The following WNT3 variants were observed in gnomAD, a reference collection of about 807,000 sequenced individuals.
WNT3 encodes Wnt family member 3.
A neutral mutation model predicts 34.2 loss-of-function variants in WNT3; 7 were observed. The observed-to-expected ratio is 0.20, with a 90% CI of 0.12 to 0.38. The LOEUF (loss-of-function observed/expected upper bound fraction) is 0.38, where lower values mean the gene tolerates loss of function less well. Ranked by LOEUF, WNT3 falls within the 10% of genes least tolerant of loss-of-function variation. WNT3 has a pLI of 1.00. For missense variants in WNT3, 267 were observed against 499.8 expected (o/e 0.53, Z 4.44); for synonymous variants, 212 against 211.5 (o/e 1.00, Z -0.02).
chr17:46,784,996 C>T (rs1425687630), intron 1 of WNT3, among the ~76,000 whole-genome samples: 1 of 152,136 alleles, frequency 6.6e-6, no homozygotes, highest in Non-Finnish European at 1.5e-5. Context: ...CCAGGATGGT[C>T]TCGATCTCCT....
chr17:46,816,178 A>AAC (rs1213638351), intron 1 of WNT3, among the ~76,000 whole-genome samples: 1 of 125,588 alleles, frequency 8.0e-6, no homozygotes, highest in East Asian at 2.9e-4. Context: ...CCCAGTCATG[A>AAC]ACACAGTCAA....
At chr17:46,815,770 T>C (rs1306141864) in intron 1 of WNT3, among the ~76,000 whole-genome samples, 1 of 152,174 alleles carries the variant, frequency 6.6e-6, no homozygotes, top group African/African-American at 2.4e-5. Flanking sequence ...TAGCTTGCCA[T>C]CCCTGGCCAG....
At chr17:46,775,675 G>C (rs1199740183) in intron 1 of WNT3, among the ~76,000 whole-genome samples, 1 of 146,314 alleles carries the variant, frequency 6.8e-6, no homozygotes, top group African/African-American at 2.6e-5. Flanking sequence ...ATGCAGTGAC[G>C]TGATCTCGGC....
chr17:46,791,775 C>T (rs1309070665), intron 1 of WNT3, among the ~76,000 whole-genome samples: 1 of 152,188 alleles, frequency 6.6e-6, no homozygotes, highest in Non-Finnish European at 1.5e-5. Flanking sequence ...CATGGTGGCG[C>T]ATGCCTATAA....
intron 1 of WNT3, among the ~76,000 whole-genome samples, chr17:46,774,351 C>T (rs117708148): frequency 2.2e-4 from 34 of 151,570 alleles, no homozygotes; most frequent in Admixed American, 4.6e-4. Flanking sequence ...TCATGGGACA[C>T]GCGCGCGCGC....
chr17:46,787,693 C>T (rs766289872), intron 1 of WNT3, among the ~76,000 whole-genome samples: 2 of 152,220 alleles, frequency 1.3e-5, no homozygotes, highest in Admixed American at 6.5e-5. Flanking sequence ...GTGGCTCACG[C>T]CTGTATTCCC....
intron 1 of WNT3, among the ~76,000 whole-genome samples, chr17:46,776,436 C>T (rs922112366): frequency 4.6e-5 from 7 of 152,216 alleles, no homozygotes; most frequent in Non-Finnish European, 1.0e-4. Context: ...TGTCTGTTAC[C>T]TTATGTAATC....
chr17:46,770,199 A>G (rs2059351265), intron 2 of WNT3, 151 bp from the exon 3 acceptor site: 1 of 1,112,128 alleles, frequency 9.0e-7, no homozygotes, highest in African/African-American at 1.6e-5. Flanking sequence ...CAGCTTCCCC[A>G]CCCTCTTTGG....
chr17:46,779,986 T>C (rs199512), intron 1 of WNT3, among the ~76,000 whole-genome samples: 127,991 of 152,212 alleles, frequency 0.84, 54,117 homozygotes, highest in East Asian at 1. Flanking sequence ...CTGGAACTCC[T>C]GACCAAGTGA....
At chr17:46,767,708 T>C (rs1307874921) in intron 4 of WNT3, among the ~76,000 whole-genome samples, 1 of 152,232 alleles carries the variant, frequency 6.6e-6, no homozygotes, top group Non-Finnish European at 1.5e-5. Context: ...TTGATCTGGC[T>C]CATAACTAAC....
chr17:46,777,171 C>T (rs1470354024), intron 1 of WNT3, among the ~76,000 whole-genome samples: 1 of 152,162 alleles, frequency 6.6e-6, no homozygotes, highest in African/African-American at 2.4e-5. Context: ...GATCATGCCG[C>T]TGCACTCCAG....
Position 46,768,178 on chromosome 17 carries a change from A to T in WNT3, c.*8+134T>A, listed in dbSNP as rs2059331436. ...GATGCTTGAAAAATCCTAGCTTCCT[A>T]TTTTGGCTGTGGGAACTTGTGTGTC... On this transcript the variant is annotated intron_variant, in intron 4 of 4. Transcript: ENST00000225512. The surrounding 1 kb of genome is among the most constrained non-coding windows in gnomAD (Gnocchi z 5.0). 7.6e-7 allele frequency: 1 copy of T among 1,310,100 alleles called. No homozygotes were observed. The highest frequency in any genetic ancestry group is 1.5e-5 in the African/African-American group (1 of 68,268). The allele number at this position is 1,310,100 out of a possible 1,614,324, so 81.2% of individuals were successfully genotyped here.
chr17:46,764,682 G>A (rs958387963), intron 4 of WNT3, 61 bp from the exon 5 acceptor site: 1 of 152,256 alleles, frequency 6.6e-6, no homozygotes, highest in Non-Finnish European at 1.5e-5. Flanking sequence ...ACCACCCATT[G>A]GGGTTCAAAG....
Position 46,768,186 on chromosome 17 carries a change from T to C in WNT3, c.*8+126A>G. 3 of 1,369,458 alleles carry C rather than the reference T, an allele frequency of 2.2e-6. No homozygotes were observed. Among genetic ancestry groups the C allele is most frequent in the Admixed American group, 4.1e-5 (2 of 48,478 alleles). 84.8% of individuals were successfully genotyped at this position (1,369,458 alleles called of 1,614,324 possible). A position where few individuals can be genotyped will look rare whatever the true frequency, so the allele number is the denominator to read the frequency against. On this transcript the variant is annotated intron_variant, in intron 4 of 4. Coordinates refer to ENST00000225512, the MANE Select transcript of WNT3 (RefSeq NM_030753.5). This position sits in a 1 kb window ranked among gnomAD's most constrained non-coding sequence, Gnocchi z 5.0. ...AAAAATCCTAGCTTCCTATTTTGGC[T>C]GTGGGAACTTGTGTGTCTTGGATAG...
Position 46,768,908 on chromosome 17 carries a change from C to G in WNT3, c.589-109G>C. On this transcript the variant is annotated intron_variant, in intron 3 of 4. Transcript: ENST00000225512. The surrounding 1 kb of genome is among the most constrained non-coding windows in gnomAD (Gnocchi z 5.0). ...CCCCTTCCCTCCAGCCTTCTCTACTCCTCTGTGACAGGAAGAGAACTGATG... is the reference window on the plus strand; with the variant it reads ...CCCCTTCCCTCCAGCCTTCTCTACTGCTCTGTGACAGGAAGAGAACTGATG... The G allele has an allele frequency of 6.7e-7, 1 of 1,485,470 alleles. No homozygotes were observed. The highest frequency in any genetic ancestry group is 2.3e-5 in the East Asian group (1 of 43,262). 92.0% of individuals were successfully genotyped at this position (1,485,470 alleles called of 1,614,324 possible).
chr17:46,766,774 G>A (rs1031645040), intron 4 of WNT3, among the ~76,000 whole-genome samples: 2 of 152,142 alleles, frequency 1.3e-5, no homozygotes, highest in African/African-American at 4.8e-5. Flanking sequence ...TAGCTCAGAG[G>A]TGCCCTGTGG....
chr17:46,778,473 G>A (rs2059430035), intron 1 of WNT3, among the ~76,000 whole-genome samples: 1 of 152,184 alleles, frequency 6.6e-6, no homozygotes, highest in African/African-American at 2.4e-5. Flanking sequence ...AGAGGCTGTG[G>A]CCATGGGATT....
intron 1 of WNT3, among the ~76,000 whole-genome samples, chr17:46,774,318 G>A (rs954963786): frequency 3.9e-5 from 6 of 152,260 alleles, no homozygotes; most frequent in African/African-American, 1.4e-4. Flanking sequence ...GGATACTGGG[G>A]CCACATGGAC....
intron 1 of WNT3, among the ~76,000 whole-genome samples, chr17:46,788,711 C>T (rs1300064986): frequency 6.6e-6 from 1 of 152,078 alleles, no homozygotes; most frequent in Non-Finnish European, 1.5e-5. Flanking sequence ...TAGAATCTAG[C>T]ACCTGCTTCA....
Sources: gnomAD v4.1 joint callset for allele counts (sites outside exome capture counted in the v4.1 genomes callset) on GRCh38, gnomAD v4.1.1 for gene constraint, Gnocchi (gnomAD v3.1) non-coding constraint, MANE v1.5 for transcripts, NCBI Gene and HGNC (gene_info 2026-07-23, HGNC 2026-07-21) for gene names.